ERC1: variants seen among roughly 807,000 people sequenced by gnomAD.
ERC1 encodes the protein ELKS/RAB6-interacting/CAST family member 1.
In ERC1, 56 loss-of-function variants were observed where a neutral mutation model predicts 132.0. The observed-to-expected ratio is 0.42, with a 90% CI of 0.34 to 0.53. The LOEUF (loss-of-function observed/expected upper bound fraction) is 0.53. Ranked by LOEUF, ERC1 falls within the 20% of genes least tolerant of loss-of-function variation. The pLI is 0.03. For missense variants in ERC1, 1,202 were observed against 1,349.9 expected (o/e 0.89, Z 1.72); for synonymous variants, 478 against 476.1 (o/e 1.00, Z -0.05).
At chr12:1,359,474 G>A (rs573258851) in intron 15 of ERC1, among the ~76,000 whole-genome samples, 2 of 152,216 alleles carry the variant, frequency 1.3e-5, no homozygotes, top group Admixed American at 6.5e-5. Context: ...CAAAAGCAAG[G>A]AACCGACACC....
At chr12:1,071,260 C>T (rs971255442) in intron 2 of ERC1, among the ~76,000 whole-genome samples, 9 of 152,190 alleles carry the variant, frequency 5.9e-5, no homozygotes, top group African/African-American at 1.7e-4. Context: ...TACTTCACTT[C>T]GTGAGAAACT....
At chr12:1,349,111 T>C (rs2084757473) in intron 15 of ERC1, among the ~76,000 whole-genome samples, 1 of 152,206 alleles carries the variant, frequency 6.6e-6, no homozygotes, top group South Asian at 2.1e-4. Context: ...TCAAAACATA[T>C]TCAACAAGTA....
At chr12:1,165,597 T>C (rs1185809614) in intron 8 of ERC1, among the ~76,000 whole-genome samples, 1 of 152,088 alleles carries the variant, frequency 6.6e-6, no homozygotes, top group African/African-American at 2.4e-5. Context: ...CCTCCCAAAG[T>C]GCTGGGATTA....
chr12:1,283,436 A>G (rs980945632), intron 14 of ERC1, among the ~76,000 whole-genome samples: 6 of 152,334 alleles, frequency 3.9e-5, no homozygotes, highest in African/African-American at 1.4e-4. Flanking sequence ...ACAACTGCTC[A>G]GTGGTAGGCA....
intron 18 of ERC1, among the ~76,000 whole-genome samples, chr12:1,460,630 G>A (rs1302564875): frequency 1.3e-5 from 2 of 152,112 alleles, no homozygotes; most frequent in Non-Finnish European, 2.9e-5. Context: ...TTTGAAATAA[G>A]TCCTTTTGAC....
intron 2 of ERC1, among the ~76,000 whole-genome samples, chr12:1,049,495 AT>A (rs1321283509): frequency 1.3e-5 from 2 of 152,076 alleles, no homozygotes; most frequent in Non-Finnish European, 2.9e-5. Context: ...TGCTGTGGAG[AT>A]TTAAAAAATC....
At chr12:1,376,365 T>C (rs2087912047) in intron 16 of ERC1, among the ~76,000 whole-genome samples, 1 of 152,020 alleles carries the variant, frequency 6.6e-6, no homozygotes, top group African/African-American at 2.4e-5. Context: ...ACTCCCAAGC[T>C]ACATCCCATC....
At chr12:1,368,142 G>A (rs1202068913) in intron 15 of ERC1, among the ~76,000 whole-genome samples, 1 of 151,862 alleles carries the variant, frequency 6.6e-6, no homozygotes, top group Non-Finnish European at 1.5e-5. Context: ...TGCTACACTA[G>A]CAAGCCTCCC....
chr12:1,112,939 A>G (rs777467949), intron 6 of ERC1, among the ~76,000 whole-genome samples: 29 of 152,186 alleles, frequency 1.9e-4, no homozygotes, highest in Admixed American at 1.2e-3. Context: ...GTGGATTTGC[A>G]TCTGTGTGTT....
chr12:1,037,262 G>A (rs1969269016), intron 2 of ERC1, among the ~76,000 whole-genome samples: 2 of 152,196 alleles, frequency 1.3e-5, no homozygotes, highest in African/African-American at 4.8e-5. Context: ...ATAGTGCAGT[G>A]TAGTGTGTGA....
chr12:1,042,092 C>T (rs1364542026), intron 2 of ERC1, among the ~76,000 whole-genome samples: 1 of 151,952 alleles, frequency 6.6e-6, no homozygotes, highest in Non-Finnish European at 1.5e-5. Context: ...CTGGAGTGTG[C>T]AGTGGTGTGA....
intron 18 of ERC1, among the ~76,000 whole-genome samples, chr12:1,450,384 A>G (rs1276474631): frequency 6.6e-6 from 1 of 152,238 alleles, no homozygotes; most frequent in Non-Finnish European, 1.5e-5. Context: ...AGGGTTTCGT[A>G]TAAATGGAAT....
intron 16 of ERC1, among the ~76,000 whole-genome samples, chr12:1,375,218 C>A (rs2087745215): frequency 6.6e-6 from 1 of 152,176 alleles, no homozygotes; most frequent in African/African-American, 2.4e-5. Flanking sequence ...GGGAAACTTA[C>A]AATCATGGCG....
intron 15 of ERC1, among the ~76,000 whole-genome samples, chr12:1,346,867 G>A (rs548420010): frequency 1.6e-3 from 243 of 150,010 alleles, no homozygotes; most frequent in Non-Finnish European, 2.5e-3. Flanking sequence ...GTGTGAACCC[G>A]GGAAGCGGAG....
chr12:1,241,234 T>A (rs755122438), intron 13 of ERC1, among the ~76,000 whole-genome samples: 2 of 152,196 alleles, frequency 1.3e-5, no homozygotes, highest in African/African-American at 2.4e-5. Context: ...AATGGCGTCT[T>A]CAAGTTGTTA....
intron 13 of ERC1, among the ~76,000 whole-genome samples, chr12:1,245,574 A>G (rs2076107258): frequency 6.6e-6 from 1 of 152,198 alleles, no homozygotes. Flanking sequence ...ACCAAAAGTA[A>G]TTCCTTTTGG....
rs767590463 is a variant in ERC1 at position 1,028,480 on chromosome 12, G to A, written c.577G>A (p.Glu193Lys). Residue 193 changes from glutamate (E) to lysine (K), a missense_variant, in exon 2 of 19, where the codon GAG becomes AAG. Coordinates refer to ENST00000360905, the MANE Select transcript of ERC1 (RefSeq NM_178040.4). ...TAGCATCAAGACCTTCTGGAGCCCA[G>A]AGCTGAAGAAGGAACGAGCCCTGAG... ...MNSIKTFWSP[E>K]LKKERALRKD... The A allele has an allele frequency of 2.5e-6, 4 of 1,614,142 alleles. No individual in the cohort carries two copies. The highest frequency in any genetic ancestry group is 1.7e-6 in the Non-Finnish European group (2 of 1,180,038).
intron 17 of ERC1, among the ~76,000 whole-genome samples, chr12:1,442,801 T>C (rs2093193971): frequency 6.6e-6 from 1 of 152,230 alleles, no homozygotes; most frequent in Admixed American, 6.5e-5. Flanking sequence ...ATAGATAATG[T>C]ATCAAGCAAA....
intron 14 of ERC1, among the ~76,000 whole-genome samples, chr12:1,275,660 T>C (rs1159556731): frequency 6.6e-6 from 1 of 152,124 alleles, no homozygotes; most frequent in Non-Finnish European, 1.5e-5. Context: ...AGTGGCAAGG[T>C]TGATTTCTAC....
Sources: allele counts gnomAD v4.1 joint callset (sites outside exome capture counted in the v4.1 genomes callset), GRCh38; gene constraint gnomAD v4.1.1; transcripts MANE v1.5; gene names NCBI Gene and HGNC (gene_info 2026-07-23, HGNC 2026-07-21).